PREX1: variants seen among roughly 807,000 people sequenced by gnomAD.
PREX1 encodes the protein phosphatidylinositol 3,4,5-trisphosphate-dependent Rac exchanger 1 protein.
In PREX1, 41 loss-of-function variants were observed where a neutral mutation model predicts 198.3. That is an observed-to-expected ratio of 0.21 (90% CI 0.16 to 0.27). The LOEUF (loss-of-function observed/expected upper bound fraction) is 0.27. Among genes scored for constraint, PREX1 ranks in the 10% least tolerant of loss-of-function variants. The pLI is 1.00. For synonymous variants in PREX1, 843 were observed against 887.2 expected, an observed-to-expected ratio of 0.95 and a Z score of 0.89; for missense variants, 1,620 against 2,200.7, an observed-to-expected ratio of 0.74 and a Z score of 5.28.
At position 48,734,555 on chromosome 20, in the gene PREX1, G is replaced by A; in HGVS notation, c.510C>T (p.Ala170=). 1 of 1,613,950 alleles carries A rather than the reference G, an allele frequency of 6.2e-7. No individual in the cohort carries two copies. Among genetic ancestry groups the A allele is most frequent in the Non-Finnish European group, 8.5e-7 (1 of 1,179,844 alleles). The change falls in exon 4 of 40, where the codon GCC becomes GCT. Residue 170 remains alanine, a synonymous_variant. Transcript: ENST00000371941. ...TGACGGGTCAACTTACCAAAAGGAA[G>A]GCGCGCACGGTAGGGATCTTGTTCA... The part of the protein sequence containing the change: ...VELNKIPTVR[A]FLLSCMLLGG...
At chr20:48,779,580 T>C (rs2090279122) in intron 1 of PREX1, among the ~76,000 whole-genome samples, 1 of 152,144 alleles carries the variant, frequency 6.6e-6, no homozygotes, top group East Asian at 1.9e-4. Flanking sequence ...CTATTAAAAA[T>C]CACCAAAAAC....
At chr20:48,771,450 A>G (rs1232277806) in intron 1 of PREX1, among the ~76,000 whole-genome samples, 2 of 152,060 alleles carry the variant, frequency 1.3e-5, no homozygotes, top group East Asian at 3.9e-4. Context: ...GGTTTGCACC[A>G]ATTTATTGCT....
intron 15 of PREX1, among the ~76,000 whole-genome samples, 177 bp from the exon 16 acceptor site, chr20:48,660,238 C>T (rs911094564): frequency 2.6e-5 from 4 of 152,206 alleles, no homozygotes; most frequent in Non-Finnish European, 5.9e-5. Flanking sequence ...TTTCACAAAG[C>T]GATCTGGCTT....
intron 3 of PREX1, 145 bp downstream of exon 3, chr20:48,744,880 G>A (rs1402948695): frequency 1.9e-6 from 2 of 1,053,878 alleles, no homozygotes; most frequent in Admixed American, 2.6e-5. Context: ...CAGGGATGCA[G>A]ACTGGGCCCA....
chr20:48,629,692 C>T, intron 36 of PREX1, 71 bp from the exon 37 acceptor site: 2 of 1,502,896 alleles, frequency 1.3e-6, no homozygotes, highest in South Asian at 1.2e-5. Flanking sequence ...CCATCTGGCC[C>T]TCCTCCCCCA....
intron 25 of PREX1, among the ~76,000 whole-genome samples, chr20:48,646,380 T>C (rs1393613541): frequency 6.6e-6 from 1 of 152,212 alleles, no homozygotes; most frequent in African/African-American, 2.4e-5. Context: ...AATGACACCT[T>C]GTTTAAAAAT....
the PREX1 span, among the ~76,000 whole-genome samples, chr20:48,845,591 A>C: frequency 6.6e-6 from 1 of 151,384 alleles, no homozygotes; most frequent in African/African-American, 2.4e-5. Context: ...AGTCCCAGCT[A>C]CTCTGGAGGC....
intron 27 of PREX1, among the ~76,000 whole-genome samples, chr20:48,643,394 G>A (rs562574789): frequency 6.6e-5 from 10 of 151,938 alleles, no homozygotes; most frequent in Non-Finnish European, 1.3e-4. Flanking sequence ...GCTTGAACCC[G>A]GGAGGTGGAG....
intron 5 of PREX1, among the ~76,000 whole-genome samples, chr20:48,718,745 T>C (rs2089972919): frequency 6.6e-6 from 1 of 152,218 alleles, no homozygotes; most frequent in Admixed American, 6.5e-5. Flanking sequence ...ATATTAATAT[T>C]GGAAAAAACA....
Position 48,771,920 on chromosome 20 carries a change from G to A in PREX1, c.220-24040C>T, listed in dbSNP as rs375408216. ...TAAAAATGATGTGTCTAGGCTGGGC[G>A]CGGTGGCTCCCATCTATAATCCCAG... is the stretch of plus-strand genomic sequence containing the variant. On this transcript the variant is annotated intron_variant, in intron 1 of 39. Transcript: ENST00000371941. Among the ~76,000 whole-genome samples, 17 of 152,282 alleles carry A rather than the reference G, an allele frequency of 1.1e-4. No individual in the cohort carries two copies. In the East Asian group the frequency reaches 2.7e-3, roughly 24 times the overall value.
chr20:48,825,576 G>A (rs755298545), intron 1 of PREX1, among the ~76,000 whole-genome samples: 11 of 151,942 alleles, frequency 7.2e-5, no homozygotes, highest in Non-Finnish European at 1.3e-4. Context: ...TACTCTACAC[G>A]TGGACGATTT....
At chr20:48,856,016 T>C in the PREX1 span, among the ~76,000 whole-genome samples, 8 of 152,224 alleles carry the variant, frequency 5.3e-5, no homozygotes, top group African/African-American at 1.9e-4. Context: ...GCGGCTGTTA[T>C]TTTAAACAAG....
chr20:48,789,812 G>A (rs1008858472), intron 1 of PREX1, among the ~76,000 whole-genome samples: 5 of 152,054 alleles, frequency 3.3e-5, no homozygotes, highest in South Asian at 2.1e-4. Flanking sequence ...AATACTGGAC[G>A]GACAGATGAA....
chr20:48,664,258 C>T (rs2089618385), intron 15 of PREX1, among the ~76,000 whole-genome samples: 1 of 152,028 alleles, frequency 6.6e-6, no homozygotes, highest in Admixed American at 6.5e-5. Flanking sequence ...GCCTGCGGTC[C>T]CAGCTACTCG....
intron 18 of PREX1, 54 bp downstream of exon 18, chr20:48,656,986 C>G: frequency 6.5e-7 from 1 of 1,533,608 alleles, no homozygotes; most frequent in Non-Finnish European, 8.8e-7. Flanking sequence ...AGCCCTCAGC[C>G]ACCACTCAGC....
At chr20:48,786,825 G>C (rs1435793787) in intron 1 of PREX1, among the ~76,000 whole-genome samples, 2 of 35,910 alleles carry the variant, frequency 5.6e-5, no homozygotes. Context: ...GAAAAAGAGA[G>C]AGAGAGAAAG....
intron 4 of PREX1, among the ~76,000 whole-genome samples, chr20:48,732,060 G>T (rs943620736): frequency 7.9e-5 from 12 of 152,210 alleles, no homozygotes; most frequent in African/African-American, 2.9e-4. Flanking sequence ...ATGCAGACAT[G>T]GCCATTTCTG....
intron 27 of PREX1, among the ~76,000 whole-genome samples, chr20:48,644,031 A>G (rs1267327275): frequency 6.6e-6 from 1 of 152,208 alleles, no homozygotes; most frequent in Non-Finnish European, 1.5e-5. Flanking sequence ...TTACACATGT[A>G]TCATTTTTAC....
In PREX1 at chr20:48,688,680, A is replaced by C; in HGVS notation, c.1311T>G (p.Thr437=). 1 of 1,614,208 alleles carries C rather than the reference A, an allele frequency of 6.2e-7. No homozygotes were observed. The highest frequency in any genetic ancestry group is 1.1e-5 in the South Asian group (1 of 91,086). ...LIKDRRRKLS[T]VPKCFLGNEF... is the part of the protein sequence containing the mutation. ...ACTTGCCAAGAAAGCACTTGGGGAC[A>C]GTGCTCAGCTTTCTCCGGCGGTCCT... Residue 437 remains threonine (T), a synonymous_variant, in exon 10 of 40, where the codon ACT becomes ACG. Transcript: ENST00000371941.
Sources: gnomAD v4.1 joint callset for allele counts (sites outside exome capture counted in the v4.1 genomes callset) on GRCh38, gnomAD v4.1.1 for gene constraint, MANE v1.5 for transcripts, NCBI Gene and HGNC (gene_info 2026-07-23, HGNC 2026-07-21) for gene names.